Variants in MID1 observed in about 807,000 individuals in gnomAD.
The protein encoded by MID1 is midline 1, also known as E3 ubiquitin-protein ligase Midline-1.
A neutral mutation model predicts 40.4 loss-of-function variants in MID1; 7 were observed. The observed-to-expected ratio is 0.17, with a 90% confidence interval of 0.10 to 0.33. The LOEUF is 0.33. Ranked by LOEUF, MID1 falls within the 10% of genes least tolerant of loss-of-function variation. The pLI is 1.00. For synonymous variants in MID1, 229 were observed against 221.2 expected, an observed-to-expected ratio of 1.04 and a Z score of -0.31; for missense variants, 367 against 558.5, an observed-to-expected ratio of 0.66 and a Z score of 3.46.
chrX:10,721,197 A>AT (rs1328063034), intron 1 of MID1, among the ~76,000 whole-genome samples: 1 of 111,543 alleles, frequency 9.0e-6, no homozygotes, highest in Non-Finnish European at 1.9e-5. Context: ...TTAAAGTATA[A>AT]TAAAAAAAAG....
At chrX:10,713,325 AT>A (rs112742852) in intron 1 of MID1, among the ~76,000 whole-genome samples, 3,622 of 96,240 alleles carry the variant, frequency 0.038, 60 homozygotes, top group African/African-American at 0.057. Flanking sequence ...AGAGAAGGAG[AT>A]TTTTTTTTTT....
At chrX:10,779,877 A>G (rs1008542641) in intron 1 of MID1, among the ~76,000 whole-genome samples, 3 of 111,285 alleles carry the variant, frequency 2.7e-5, no homozygotes, top group African/African-American at 9.8e-5. Context: ...GGGTAAAGAT[A>G]GTAAAATGTG....
intron 4 of MID1, among the ~76,000 whole-genome samples, chrX:10,486,113 G>A (rs1930603271): frequency 8.9e-6 from 1 of 111,785 alleles, no homozygotes; most frequent in South Asian, 3.8e-4. Context: ...ACCTATAAAG[G>A]CTGTCGAGTT....
At chrX:10,551,109 GATTA>G (rs1933891040) in intron 2 of MID1, among the ~76,000 whole-genome samples, 1 of 111,855 alleles carries the variant, frequency 8.9e-6, no homozygotes, top group African/African-American at 3.3e-5. Flanking sequence ...TTTATCTCTA[GATTA>G]ATTATAATAC....
chrX:10,723,601 G>A (rs2043371564), intron 1 of MID1, among the ~76,000 whole-genome samples: 1 of 113,246 alleles, frequency 8.8e-6, no homozygotes, highest in African/African-American at 3.2e-5. Context: ...GCCCAGGCTG[G>A]AGTGCAGTGG....
At chrX:10,524,860 G>A (rs935947105) in intron 2 of MID1, among the ~76,000 whole-genome samples, 2 of 112,016 alleles carry the variant, frequency 1.8e-5, no homozygotes, top group Non-Finnish European at 3.8e-5. Flanking sequence ...AGAAAGAAGT[G>A]AGCATGTGGA....
In MID1 at chrX:10,722,997, A is replaced by G. The variant is rs755159105; in HGVS notation, c.-186-102578T>C. ...TCTGCTGGGAAGAGTCAGTAATGCT[A>G]CCCAGTGAGTTTTCTACTGGGCCTG... is the stretch of plus-strand genomic sequence containing the variant. On this transcript the variant is annotated intron_variant, in intron 1 of 10. Transcript: ENST00000380785. Among the ~76,000 whole-genome samples the G allele has an allele frequency of 1.3e-4, 14 of 110,854 alleles. No individual in the cohort carries two copies. The East Asian group carries it at 3.7e-3, about 29-fold the overall frequency.
intron 1 of MID1, among the ~76,000 whole-genome samples, chrX:10,782,309 T>A (rs772158257): frequency 1.8e-5 from 2 of 112,046 alleles, no homozygotes; most frequent in South Asian, 7.5e-4. Context: ...TCTGCCGCCC[T>A]TAGTTCCTCC....
At chrX:10,718,773 A>G (rs1003127898) in intron 1 of MID1, among the ~76,000 whole-genome samples, 1 of 111,908 alleles carries the variant, frequency 8.9e-6, no homozygotes, top group Non-Finnish European at 1.9e-5. Context: ...AATATACCTG[A>G]TGAACATCGA....
intron 3 of MID1, chrX:10,505,769 C>G (rs1276155960): frequency 1.3e-6 from 1 of 749,869 alleles, no homozygotes; most frequent in African/African-American, 2.3e-5. Flanking sequence ...ATGACTTTAC[C>G]TTAATCACTT....
chrX:10,728,037 G>A (rs1034623824), intron 1 of MID1, among the ~76,000 whole-genome samples: 1 of 112,231 alleles, frequency 8.9e-6, no homozygotes. Flanking sequence ...ATTATTGAGT[G>A]GTTCTTTGGA....
chrX:10,576,638 G>C, intron 1 of MID1: 1 of 111,530 alleles, frequency 9.0e-6, no homozygotes, highest in African/African-American at 3.3e-5. Context: ...TAATAGTGCA[G>C]AAAACCCCTC....
chrX:10,784,323 G>C (rs1471136734), intron 1 of MID1, among the ~76,000 whole-genome samples: 1 of 111,617 alleles, frequency 9.0e-6, no homozygotes, highest in Non-Finnish European at 1.9e-5. Flanking sequence ...GGCAATGGCA[G>C]CATTCATATG....
chrX:10,757,302 C>A (rs1248271225), intron 1 of MID1, among the ~76,000 whole-genome samples: 1 of 112,365 alleles, frequency 8.9e-6, no homozygotes, highest in Non-Finnish European at 1.9e-5. Flanking sequence ...GAAAATGATT[C>A]TCTTTTATTG....
rs1304713476 is a variant in MID1 at position 10,786,114 on chromosome X, T to C, written c.-187+47440A>G. On this transcript the variant is annotated intron_variant, in intron 1 of 10. Coordinates refer to the MID1 transcript ENST00000380785. ...AGAATCTACAATGAACTCAAACAAA[T>C]TTACAAGAAAAAAACAAACAACCCC... Among the ~76,000 whole-genome samples, 178 of 111,281 alleles carry C rather than the reference T, an allele frequency of 1.6e-3. 1 individual carries two copies. Among genetic ancestry groups the C allele is most frequent in the Non-Finnish European group, 2.9e-3 (156 of 53,022 alleles).
intron 9 of MID1, among the ~76,000 whole-genome samples, chrX:10,451,260 G>A (rs765476728): frequency 8.9e-6 from 1 of 111,754 alleles, no homozygotes; most frequent in African/African-American, 3.2e-5. Flanking sequence ...GTCTGGGTCA[G>A]GCTCTGCTAT....
At chrX:10,634,207 A>G (rs1381462013) in intron 1 of MID1, among the ~76,000 whole-genome samples, 1 of 111,781 alleles carries the variant, frequency 8.9e-6, no homozygotes, top group Non-Finnish European at 1.9e-5. Context: ...AAAAAAAATG[A>G]TAGGCATGCT....
chrX:10,474,797 C>T (rs763902385), intron 5 of MID1, 47 bp from the exon 6 acceptor site: 2 of 1,156,729 alleles, frequency 1.7e-6, no homozygotes, highest in South Asian at 3.6e-5. Context: ...AGATGACTTT[C>T]AACATCACTG....
chrX:10,771,160 T>G (rs2043765793), intron 1 of MID1, among the ~76,000 whole-genome samples: 2 of 110,669 alleles, frequency 1.8e-5, no homozygotes, highest in Admixed American at 1.9e-4. Context: ...GTAGGATTTC[T>G]ACCTAGCTTT....
Sources: allele counts gnomAD v4.1 joint callset (sites outside exome capture counted in the v4.1 genomes callset), GRCh38; gene constraint gnomAD v4.1.1; transcripts MANE v1.5; gene names NCBI Gene and HGNC (gene_info 2026-07-23, HGNC 2026-07-21).